AOPEP: variants seen among roughly 807,000 people sequenced by gnomAD.
AOPEP encodes aminopeptidase O (putative).
AOPEP carries 77 observed loss-of-function variants against 98.1 expected under a neutral mutation model. That is an observed-to-expected ratio of 0.78 (90% confidence interval 0.65 to 0.95). AOPEP has a LOEUF of 0.95. Among genes scored for constraint, AOPEP ranks in the 40% least tolerant of loss-of-function variants. AOPEP has a pLI of 0.00. For synonymous variants in AOPEP, 346 were observed against 365.3 expected, an observed-to-expected ratio of 0.95 and a Z score of 0.60; for missense variants, 1,024 against 1,024.7, an observed-to-expected ratio of 1.00 and a Z score of 0.01.
the AOPEP span, among the ~76,000 whole-genome samples, chr9:95,145,767 C>T: frequency 6.6e-6 from 1 of 152,142 alleles, no homozygotes; most frequent in African/African-American, 2.4e-5. Flanking sequence ...AGGGAACCAC[C>T]TAAGCCCACA....
At chr9:94,987,114 TGATGAGAGACTGTGGATGATTCAAA>T (rs2060572516) in intron 11 of AOPEP, among the ~76,000 whole-genome samples, 1 of 152,236 alleles carries the variant, frequency 6.6e-6, no homozygotes. Flanking sequence ...CATAGGTTCT[TGATGAGAGACTGTGGATGATTCAAA>T]GATGAGAGAA....
chr9:94,979,091 A>G (rs1220437920), intron 10 of AOPEP, among the ~76,000 whole-genome samples: 2 of 152,190 alleles, frequency 1.3e-5, no homozygotes, highest in African/African-American at 4.8e-5. Flanking sequence ...TGGCTTTCCC[A>G]ACCAAATAGT....
intron 4 of AOPEP, 142 bp from the exon 5 acceptor site, chr9:94,800,615 C>A: frequency 1.2e-6 from 1 of 847,926 alleles, no homozygotes; most frequent in Non-Finnish European, 1.9e-6. Context: ...GCCAGTCAAG[C>A]CAAGAATTGA....
chr9:94,896,663 T>C (rs1018750350), intron 5 of AOPEP, among the ~76,000 whole-genome samples: 4 of 152,120 alleles, frequency 2.6e-5, no homozygotes, highest in Non-Finnish European at 5.9e-5. Context: ...CAAACCTAAA[T>C]TGAAGGACAT....
At position 94,745,838 on chromosome 9, in the gene AOPEP, A is replaced by G. The variant is rs1834352600; in HGVS notation, c.-135-13811A>G. On this transcript the variant is annotated intron_variant, in intron 1 of 16. Coordinates refer to ENST00000375315, the MANE Select transcript of AOPEP (RefSeq NM_001193329.3). Reference sequence around the variant, plus strand: ...AGTGCTGCAGTAAGTATGGGAGTGCAGGTATGTCTTTGATATACTAATTTC... The same window carrying G: ...AGTGCTGCAGTAAGTATGGGAGTGCGGGTATGTCTTTGATATACTAATTTC... 2.6e-5 allele frequency among the ~76,000 whole-genome samples: 4 copies of G among 152,320 alleles called. No individual in the cohort carries two copies. In the South Asian group the frequency reaches 8.3e-4, roughly 32 times the overall value.
intron 13 of AOPEP, among the ~76,000 whole-genome samples, chr9:95,009,679 A>C (rs2062341982): frequency 6.6e-6 from 1 of 152,180 alleles, no homozygotes; most frequent in Non-Finnish European, 1.5e-5. Flanking sequence ...AGTCACAACA[A>C]ACATGGTGCA....
intron 5 of AOPEP, among the ~76,000 whole-genome samples, chr9:94,903,281 C>T (rs2050670116): frequency 6.6e-6 from 1 of 151,894 alleles, no homozygotes; most frequent in African/African-American, 2.4e-5. Flanking sequence ...CCATGCCTGG[C>T]CTTAAAACCT....
intron 3 of AOPEP, among the ~76,000 whole-genome samples, chr9:94,785,896 G>A (rs1844323744): frequency 6.6e-6 from 1 of 152,222 alleles, no homozygotes; most frequent in South Asian, 2.1e-4. Flanking sequence ...TCTATATGAA[G>A]TCATACAGGA....
At chr9:94,959,842 C>T (rs2058698359) in intron 9 of AOPEP, among the ~76,000 whole-genome samples, 1 of 152,006 alleles carries the variant, frequency 6.6e-6, no homozygotes, top group South Asian at 2.1e-4. Flanking sequence ...ATTGATGTCA[C>T]TGGACAGAAA....
At chr9:94,978,647 A>C (rs1245403369) in intron 10 of AOPEP, among the ~76,000 whole-genome samples, 5 of 152,130 alleles carry the variant, frequency 3.3e-5, no homozygotes, top group Non-Finnish European at 7.4e-5. Context: ...GAAGAGGTTG[A>C]GGGGATGGGT....
At chr9:94,959,288 C>T (rs1314347615) in intron 9 of AOPEP, among the ~76,000 whole-genome samples, 2 of 152,042 alleles carry the variant, frequency 1.3e-5, no homozygotes, top group African/African-American at 4.8e-5. Context: ...CGTGATCCAC[C>T]CACCTCAGCC....
chr9:94,740,598 T>G (rs1832845597), intron 1 of AOPEP, among the ~76,000 whole-genome samples: 1 of 152,182 alleles, frequency 6.6e-6, no homozygotes. Context: ...GAGTTTACTG[T>G]CTAGCTTAGT....
At position 94,928,853 on chromosome 9, in the gene AOPEP, A is replaced by G. The variant is rs556569924; in HGVS notation, c.1661+322A>G. The G allele has an allele frequency of 4.2e-5, 11 of 263,282 alleles. No homozygotes were observed. The South Asian group carries it at 6.2e-4, about 15-fold the overall frequency. The allele number at this position is 263,282 out of a possible 1,614,324, so 16.3% of individuals were successfully genotyped here. A position where few individuals can be genotyped will look rare whatever the true frequency, so the allele number is the denominator to read the frequency against. On this transcript the variant is annotated intron_variant, in intron 7 of 16. Transcript: ENST00000375315. ...GAGGGTTGGGGTTTGGCAGCCTGGC[A>G]GACAGTAAACCTATAAAGCCAAAGG... is the stretch of plus-strand genomic sequence containing the variant.
intron 2 of AOPEP, among the ~76,000 whole-genome samples, chr9:94,765,259 G>A (rs1194333658): frequency 1.3e-5 from 2 of 151,678 alleles, no homozygotes; most frequent in African/African-American, 2.4e-5. Flanking sequence ...CACTGACTGC[G>A]CCCAGCCTTA....
At chr9:94,814,669 A>G (rs1388364895) in intron 5 of AOPEP, among the ~76,000 whole-genome samples, 1 of 152,216 alleles carries the variant, frequency 6.6e-6, no homozygotes, top group East Asian at 1.9e-4. Context: ...TTCCAGGATT[A>G]GTCCTCTCAA....
chr9:94,995,854 A>G (rs1383076953), intron 11 of AOPEP, among the ~76,000 whole-genome samples: 2 of 152,190 alleles, frequency 1.3e-5, no homozygotes, highest in African/African-American at 4.8e-5. Flanking sequence ...TTCTTTTCCA[A>G]CTATCATACT....
intron 5 of AOPEP, among the ~76,000 whole-genome samples, chr9:94,899,472 A>C (rs971704255): frequency 2.6e-5 from 4 of 151,682 alleles, no homozygotes; most frequent in Non-Finnish European, 5.9e-5. Context: ...TATGAAGGCC[A>C]GGCACGGTGG....
the AOPEP span, among the ~76,000 whole-genome samples, chr9:95,146,404 C>T: frequency 7.4e-6 from 1 of 135,272 alleles, no homozygotes; most frequent in South Asian, 2.4e-4. Context: ...GGGAGGATCG[C>T]CTGAGCCTGG....
the AOPEP span, among the ~76,000 whole-genome samples, chr9:95,125,602 C>T: frequency 2.0e-5 from 3 of 152,140 alleles, no homozygotes; most frequent in Admixed American, 2.0e-4. Context: ...TACCTGGTTT[C>T]GCTTCCATGC....
Sources: allele counts gnomAD v4.1 joint callset (sites outside exome capture counted in the v4.1 genomes callset), GRCh38; gene constraint gnomAD v4.1.1; transcripts MANE v1.5; gene names NCBI Gene and HGNC (gene_info 2026-07-23, HGNC 2026-07-21).